PM20D2: variants seen among roughly 807,000 people sequenced by gnomAD.
The protein encoded by PM20D2 is xaa-Arg dipeptidase.
A neutral mutation model predicts 42.9 loss-of-function variants in PM20D2; 33 were observed. That is an observed-to-expected ratio of 0.77 (90% CI 0.58 to 1.03). The LOEUF (loss-of-function observed/expected upper bound fraction) is 1.03, where lower values mean the gene tolerates loss of function less well. Among genes scored for constraint, PM20D2 ranks in the 50% least tolerant of loss-of-function variants. The pLI is 0.00. For synonymous variants in PM20D2, 250 were observed against 228.2 expected (o/e 1.10, Z -0.86); for missense variants, 548 against 557.0 (o/e 0.98, Z 0.16).
At chr6:89,109,158 T>G in the PM20D2 span, among the ~76,000 whole-genome samples, 1 of 152,140 alleles carries the variant, frequency 6.6e-6, no homozygotes, top group Non-Finnish European at 1.5e-5. Flanking sequence ...ACTGTAATCA[T>G]CTGTGAAGGG....
At chr6:89,151,431 T>C (rs1770837133) in intron 2 of PM20D2, among the ~76,000 whole-genome samples, 1 of 152,048 alleles carries the variant, frequency 6.6e-6, no homozygotes, top group South Asian at 2.1e-4. Context: ...GGTCACCATG[T>C]TGGCCAGGCT....
the PM20D2 span, among the ~76,000 whole-genome samples, chr6:89,128,982 A>G: frequency 1.3e-5 from 2 of 152,218 alleles, no homozygotes; most frequent in Admixed American, 1.3e-4. Context: ...GCAATCAACA[A>G]TATCCACAAT....
chr6:89,103,136 C>T, the PM20D2 span, among the ~76,000 whole-genome samples: 9 of 152,228 alleles, frequency 5.9e-5, no homozygotes, highest in African/African-American at 9.6e-5. Context: ...AAGTACAAAG[C>T]AGAATAGCAT....
chr6:89,136,495 G>A, the PM20D2 span, among the ~76,000 whole-genome samples: 1 of 150,610 alleles, frequency 6.6e-6, no homozygotes, highest in Non-Finnish European at 1.5e-5. Context: ...GGCTAACACG[G>A]TGAAACCCCG....
intron 2 of PM20D2, among the ~76,000 whole-genome samples, chr6:89,150,529 C>CTTT (rs1770794486): frequency 3.8e-5 from 4 of 105,462 alleles, no homozygotes; most frequent in Non-Finnish European, 3.9e-5. Context: ...CACTGATCAT[C>CTTT]TCTTTTTTTT....
chr6:89,130,540 C>A, the PM20D2 span, among the ~76,000 whole-genome samples: 4 of 152,222 alleles, frequency 2.6e-5, no homozygotes, highest in Non-Finnish European at 5.9e-5. Flanking sequence ...AAAGTTCTCT[C>A]ATTTCTCCTA....
chr6:89,138,866 G>GA, the PM20D2 span, among the ~76,000 whole-genome samples: 1 of 151,930 alleles, frequency 6.6e-6, no homozygotes, highest in African/African-American at 2.4e-5. Context: ...CTCTGTCTTA[G>GA]AAAAATAAAT....
the PM20D2 span, among the ~76,000 whole-genome samples, chr6:89,103,991 C>CTTTTTTTT: frequency 7.3e-5 from 6 of 81,966 alleles, no homozygotes; most frequent in African/African-American, 2.8e-4. Context: ...TATTATATTT[C>CTTTTTTTT]TTTTTTTTTT....
At chr6:89,105,744 A>G in the PM20D2 span, 1 of 320,306 alleles carries the variant, frequency 3.1e-6, no homozygotes. Context: ...TCTAAAAATA[A>G]AAAGAACAAA....
chr6:89,117,183 C>G, the PM20D2 span, among the ~76,000 whole-genome samples: 1 of 152,160 alleles, frequency 6.6e-6, no homozygotes, highest in East Asian at 1.9e-4. Context: ...CCTATACTCA[C>G]GCCCTTAAAA....
chr6:89,113,793 C>A, the PM20D2 span, among the ~76,000 whole-genome samples: 316 of 152,204 alleles, frequency 2.1e-3, no homozygotes, highest in South Asian at 3.5e-3. Flanking sequence ...CAGGTGCGCA[C>A]TACCACACCT....
At chr6:89,135,495 T>C in the PM20D2 span, among the ~76,000 whole-genome samples, 4 of 151,250 alleles carry the variant, frequency 2.6e-5, 1 homozygote, top group African/African-American at 9.9e-5. Flanking sequence ...TTAAGTTCTC[T>C]TTGAATTGGC....
At chr6:89,105,758 A>G in the PM20D2 span, 25 of 288,208 alleles carry the variant, frequency 8.7e-5, no homozygotes, top group Middle Eastern at 3.2e-3. Context: ...GAACAAAACA[A>G]ACATGTAACT....
At chr6:89,115,632 T>C in the PM20D2 span, among the ~76,000 whole-genome samples, 14 of 114,000 alleles carry the variant, frequency 1.2e-4, no homozygotes, top group African/African-American at 2.2e-4. Flanking sequence ...TTTTTCTTTC[T>C]TTTTTTTTTT....
chr6:89,121,267 G>A, the PM20D2 span, among the ~76,000 whole-genome samples: 9 of 146,220 alleles, frequency 6.2e-5, no homozygotes, highest in South Asian at 4.3e-4. Flanking sequence ...ACATAAAAAC[G>A]TATGTTCTTT....
intron 2 of PM20D2, among the ~76,000 whole-genome samples, chr6:89,152,423 TA>T (rs953364837): frequency 3.9e-5 from 6 of 152,110 alleles, no homozygotes; most frequent in African/African-American, 1.4e-4. Context: ...TTTTTTTTTT[TA>T]ATTGTATTAG....
the PM20D2 span, among the ~76,000 whole-genome samples, chr6:89,115,687 A>G: frequency 7.4e-6 from 1 of 135,876 alleles, no homozygotes; most frequent in African/African-American, 2.9e-5. Context: ...CCCAGGCTGG[A>G]GTGCAGTGGC....
In PM20D2 at chr6:89,146,747, C is replaced by A. The variant is rs557556538; in HGVS notation, c.465+138C>A. On this transcript the variant is annotated intron_variant, in intron 1 of 6. Transcript: ENST00000275072. ...AGGTGTGTGTGGGACCGCGCTAAAC[C>A]TGCGGTCCTCGCCTCGGCGCAGGAG... 6.0e-6 allele frequency: 4 copies of A among 668,870 alleles called. No individual in the cohort carries two copies. The South Asian group carries it at 8.9e-5, about 15-fold the overall frequency. The allele number at this position is 668,870 out of a possible 1,614,324, so 41.4% of individuals were successfully genotyped here. A position where few individuals can be genotyped will look rare whatever the true frequency, so the allele number is the denominator to read the frequency against.
chr6:89,162,202 G>C lies in PM20D2; in HGVS notation c.1250G>C (p.Gly417Ala). 6.2e-7 allele frequency: 1 copy of C among 1,614,110 alleles called. No individual in the cohort carries two copies. Among genetic ancestry groups the C allele is most frequent in the South Asian group, 1.1e-5 (1 of 91,078 alleles). ...DVIFKPELLEGIREDFKLKLQ... is the reference protein window; with the variant it reads ...DVIFKPELLEAIREDFKLKLQ... ...ATTTTTAAACCAGAGTTACTGGAAG[G>C]AATCAGAGAGGACTTTAAACTGAAA... is the stretch of plus-strand genomic sequence containing the variant. The change falls in exon 7 of 7, where the codon GGA becomes GCA. Residue 417 changes from glycine to alanine, a missense_variant. Gly to Ala is a moderately conservative substitution (Grantham distance 60). Coordinates refer to ENST00000275072, the MANE Select transcript of PM20D2 (RefSeq NM_001010853.3).
Sources: allele counts gnomAD v4.1 joint callset (sites outside exome capture counted in the v4.1 genomes callset), GRCh38; gene constraint gnomAD v4.1.1; transcripts MANE v1.5; gene names NCBI Gene and HGNC (gene_info 2026-07-23, HGNC 2026-07-21).